GPC5: variants seen among roughly 807,000 people sequenced by gnomAD.
GPC5 encodes the protein glypican-5.
A neutral mutation model predicts 53.9 loss-of-function variants in GPC5; 47 were observed. The observed-to-expected ratio is 0.87, with a 90% CI of 0.69 to 1.11. GPC5 has a LOEUF of 1.11. GPC5 is among the 50% of genes most tolerant of loss of function. The pLI is 0.00. For missense variants in GPC5, 748 were observed against 713.1 expected (o/e 1.05, Z -0.56); for synonymous variants, 286 against 263.3 (o/e 1.09, Z -0.84).
At chr13:91,675,637 A>T (rs1470666236) in intron 2 of GPC5, among the ~76,000 whole-genome samples, 2 of 152,234 alleles carry the variant, frequency 1.3e-5, no homozygotes, top group Non-Finnish European at 2.9e-5. Context: ...TTGTACAACC[A>T]ATAGCCTAAT....
rs571393711 is a variant in GPC5, at chr13:92,071,577, A to G, written c.1402-73253A>G. The stretch of plus-strand genomic sequence containing the variant: ...TATCCCTCTAACTTGAAATACCAAA[A>G]TATATCATTAAAAAGTCATTTATAT... On this transcript the variant is annotated intron_variant, in intron 6 of 7. Coordinates refer to ENST00000377067, the MANE Select transcript of GPC5 (RefSeq NM_004466.6). Among the ~76,000 whole-genome samples the G allele has an allele frequency of 1.3e-5, 2 of 151,990 alleles. 1 individual carries two copies. The highest frequency in any genetic ancestry group is 2.9e-5 in the Non-Finnish European group (2 of 67,972).
intron 7 of GPC5, among the ~76,000 whole-genome samples, chr13:92,341,405 T>C (rs1399027997): frequency 6.6e-6 from 1 of 152,076 alleles, no homozygotes; most frequent in African/African-American, 2.4e-5. Context: ...ACACAAAGAT[T>C]TTTTTAAATT....
At position 91,648,138 on chromosome 13, in the gene GPC5, A is replaced by G. The variant is rs543589349; in HGVS notation, c.326-45049A>G. On this transcript the variant is annotated intron_variant, in intron 2 of 7. Coordinates refer to ENST00000377067, the MANE Select transcript of GPC5 (RefSeq NM_004466.6). The stretch of plus-strand genomic sequence containing the variant: ...AGTGTTGTATGCTAGTATGAAAAAT[A>G]CTTTAGCATACACAGTGCTATCCTG... Among the ~76,000 whole-genome samples the G allele has an allele frequency of 1.6e-4, 25 of 152,308 alleles. No homozygotes were observed. In the East Asian group the frequency reaches 3.1e-3, roughly 19 times the overall value.
chr13:92,551,939 G>A (rs1333676), intron 7 of GPC5, among the ~76,000 whole-genome samples: 64,735 of 151,576 alleles, frequency 0.43, 14,499 homozygotes, highest in African/African-American at 0.56. Context: ...TAATTTTCCA[G>A]TTAGTACTAC....
At chr13:92,506,528 A>C (rs1449843868) in intron 7 of GPC5, among the ~76,000 whole-genome samples, 1 of 152,172 alleles carries the variant, frequency 6.6e-6, no homozygotes, top group Non-Finnish European at 1.5e-5. Context: ...TTCCTCATAT[A>C]ACTTCTTGAC....
At chr13:91,767,442 T>TA (rs2037545710) in intron 5 of GPC5, among the ~76,000 whole-genome samples, 2 of 152,206 alleles carry the variant, frequency 1.3e-5, no homozygotes, top group African/African-American at 4.8e-5. Context: ...ACTCACTGGT[T>TA]AGTCTTAGAG....
chr13:92,257,769 C>T (rs555599101), intron 7 of GPC5, among the ~76,000 whole-genome samples: 2 of 151,758 alleles, frequency 1.3e-5, no homozygotes, highest in South Asian at 2.1e-4. Context: ...CCAGGATGGT[C>T]TGGATCTCCT....
intron 7 of GPC5, among the ~76,000 whole-genome samples, chr13:92,226,065 A>C (rs2042483711): frequency 6.6e-6 from 1 of 152,134 alleles, no homozygotes; most frequent in African/African-American, 2.4e-5. Context: ...AGTTCTCACA[A>C]GATCTGATGG....
At chr13:92,679,838 G>C (rs996798862) in intron 7 of GPC5, among the ~76,000 whole-genome samples, 1 of 151,930 alleles carries the variant, frequency 6.6e-6, no homozygotes, top group Non-Finnish European at 1.5e-5. Context: ...GCTCGCGTGC[G>C]TGCTCTCTCT....
At chr13:92,246,253 G>T (rs906440368) in intron 7 of GPC5, among the ~76,000 whole-genome samples, 1 of 152,054 alleles carries the variant, frequency 6.6e-6, no homozygotes, top group Non-Finnish European at 1.5e-5. Context: ...ATATCCATTG[G>T]TGTGTTGGTT....
chr13:91,502,847 G>A (rs974549729), intron 2 of GPC5, among the ~76,000 whole-genome samples: 4 of 152,142 alleles, frequency 2.6e-5, no homozygotes, highest in African/African-American at 4.8e-5. Context: ...AAAGCTCAGA[G>A]TATGTATAAC....
intron 7 of GPC5, among the ~76,000 whole-genome samples, chr13:92,365,310 G>A (rs993883397): frequency 2.0e-5 from 3 of 151,658 alleles, no homozygotes; most frequent in East Asian, 1.9e-4. Flanking sequence ...ACATAGAAAA[G>A]GTACAGTAAA....
chr13:92,031,752 T>TATATTATATATAATATATAATATATAA (rs1566403212), intron 6 of GPC5, among the ~76,000 whole-genome samples: 1 of 43,758 alleles, frequency 2.3e-5, no homozygotes, highest in East Asian at 4.6e-4. Context: ...ATAATATATA[T>TATATTATATATAATATATAATATATAA]TATATTACAT....
intron 7 of GPC5, among the ~76,000 whole-genome samples, chr13:92,769,444 G>A (rs970713034): frequency 5.3e-5 from 8 of 151,116 alleles, no homozygotes; most frequent in East Asian, 1.9e-4. Flanking sequence ...TTAAAGCAGC[G>A]TTGGCTGGGC....
chr13:92,160,654 G>C (rs910467887), intron 7 of GPC5, among the ~76,000 whole-genome samples: 5 of 152,162 alleles, frequency 3.3e-5, no homozygotes, highest in African/African-American at 4.8e-5. Flanking sequence ...TTGAAGCTCT[G>C]AGTGTCAGTG....
At chr13:91,491,018 C>T (rs538002372) in intron 2 of GPC5, among the ~76,000 whole-genome samples, 5 of 152,088 alleles carry the variant, frequency 3.3e-5, no homozygotes, top group Non-Finnish European at 7.4e-5. Context: ...CAACCTCTAC[C>T]TTAACCTGTT....
rs1300118576 is a variant in GPC5 at position 92,163,442 on chromosome 13, C to G, written c.1561+18453C>G. 2.4e-5 allele frequency among the ~76,000 whole-genome samples: 3 copies of G among 123,856 alleles called. No homozygotes were observed. The East Asian group carries it at 6.7e-4, about 28-fold the overall frequency. The allele number at this position is 123,856 out of a possible 152,430, so 81.3% of individuals were successfully genotyped here. A position where few individuals can be genotyped will look rare whatever the true frequency, so the allele number is the denominator to read the frequency against. The stretch of plus-strand genomic sequence containing the variant: ...CACCACTGCAGTCCTGCCTGAGTAA[C>G]ACAGTGAGATTCCATCTCAAAAAAA... On this transcript the variant is annotated intron_variant, in intron 7 of 7. Coordinates refer to ENST00000377067, the MANE Select transcript of GPC5 (RefSeq NM_004466.6).
At chr13:91,495,738 T>C (rs1884217164) in intron 2 of GPC5, among the ~76,000 whole-genome samples, 1 of 152,204 alleles carries the variant, frequency 6.6e-6, no homozygotes, top group African/African-American at 2.4e-5. Context: ...TGATAACAAA[T>C]GAATCTTGTT....
At chr13:91,820,556 G>A (rs1030006384) in intron 5 of GPC5, among the ~76,000 whole-genome samples, 6 of 152,216 alleles carry the variant, frequency 3.9e-5, no homozygotes, top group South Asian at 2.1e-4. Flanking sequence ...ATCTTTGAGC[G>A]TATTATTCTG....
Sources: allele counts gnomAD v4.1 joint callset (sites outside exome capture counted in the v4.1 genomes callset), GRCh38; gene constraint gnomAD v4.1.1; transcripts MANE v1.5; gene names NCBI Gene and HGNC (gene_info 2026-07-23, HGNC 2026-07-21).